Variants in ADAMTS19 observed in about 807,000 individuals in gnomAD.
The protein encoded by ADAMTS19 is ADAM metallopeptidase with thrombospondin type 1 motif 19.
ADAMTS19 carries 93 observed loss-of-function variants against 153.3 expected under a neutral mutation model. That is an observed-to-expected ratio of 0.61 (90% CI 0.51 to 0.72). ADAMTS19 has a LOEUF of 0.72. ADAMTS19 is among the 30% of genes least tolerant of loss of function. The pLI is 0.00. For missense variants in ADAMTS19, 1,482 were observed against 1,552.1 expected, an observed-to-expected ratio of 0.95 and a Z score of 0.76; for synonymous variants, 600 against 556.6, an observed-to-expected ratio of 1.08 and a Z score of -1.10.
At chr5:129,699,867 A>G (rs1255863126) in intron 19 of ADAMTS19, among the ~76,000 whole-genome samples, 1 of 152,238 alleles carries the variant, frequency 6.6e-6, no homozygotes, top group Non-Finnish European at 1.5e-5. Flanking sequence ...ATGCTACTAT[A>G]TATAATATAT....
intron 7 of ADAMTS19, among the ~76,000 whole-genome samples, chr5:129,583,530 G>A (rs186321577): frequency 2.6e-4 from 40 of 152,064 alleles, no homozygotes; most frequent in African/African-American, 8.7e-4. Context: ...CATTCTCCCC[G>A]TCACTTTCAG....
intron 10 of ADAMTS19, among the ~76,000 whole-genome samples, chr5:129,624,279 A>G (rs925492576): frequency 6.6e-6 from 1 of 152,054 alleles, no homozygotes; most frequent in African/African-American, 2.4e-5. Context: ...GACAATTATG[A>G]CATTGGTTCT....
intron 3 of ADAMTS19, among the ~76,000 whole-genome samples, chr5:129,519,891 A>G (rs1751737945): frequency 6.6e-6 from 1 of 152,008 alleles, no homozygotes; most frequent in African/African-American, 2.4e-5. Flanking sequence ...ATTCTTCACA[A>G]CTTCAGAGTA....
intron 14 of ADAMTS19, among the ~76,000 whole-genome samples, chr5:129,656,320 A>G (rs1753545485): frequency 6.6e-6 from 1 of 152,234 alleles, no homozygotes; most frequent in African/African-American, 2.4e-5. Context: ...TCTTTCAGTA[A>G]AATTGAAAAC....
intron 16 of ADAMTS19, 63 bp from the exon 17 acceptor site, chr5:129,679,701 A>G (rs1043609007): frequency 7.5e-6 from 10 of 1,329,610 alleles, no homozygotes; most frequent in Non-Finnish European, 1.0e-5. Context: ...AATAATTTGT[A>G]GTAGATGTTG....
At chr5:129,592,801 T>A (rs746343997) in intron 7 of ADAMTS19, among the ~76,000 whole-genome samples, 1 of 152,200 alleles carries the variant, frequency 6.6e-6, no homozygotes, top group Non-Finnish European at 1.5e-5. Flanking sequence ...TTCATAGACA[T>A]GATTATCATG....
chr5:129,518,603 G>T (rs1159436406), intron 3 of ADAMTS19, among the ~76,000 whole-genome samples: 1 of 151,922 alleles, frequency 6.6e-6, no homozygotes, highest in Non-Finnish European at 1.5e-5. Flanking sequence ...TCTCTTGCTG[G>T]TTTTAGGATT....
intron 7 of ADAMTS19, among the ~76,000 whole-genome samples, chr5:129,591,760 C>G (rs956876127): frequency 6.6e-6 from 1 of 152,100 alleles, no homozygotes; most frequent in Admixed American, 6.5e-5. Context: ...GGAGTTTGTA[C>G]CAAGAGTGCC....
Position 129,460,299 on chromosome 5 carries a change from G to T in ADAMTS19, c.-93G>T. 1.4e-6 allele frequency: 1 copy of T among 704,562 alleles called. No individual in the cohort carries two copies. Among genetic ancestry groups the T allele is most frequent in the South Asian group, 1.6e-5 (1 of 63,210 alleles). The allele number at this position is 704,562 out of a possible 1,614,324, so 43.6% of individuals were successfully genotyped here. ...AGGGCCTGGGCAAATTCGCCGCCCG[G>T]CCTCCTAGCGCTCCGGGGAGGCCGC... On this transcript the variant is annotated 5_prime_UTR_variant, in exon 1 of 23. Transcript: ENST00000274487.
chr5:129,657,499 G>A (rs1753596220), intron 14 of ADAMTS19, among the ~76,000 whole-genome samples: 1 of 152,134 alleles, frequency 6.6e-6, no homozygotes, highest in Non-Finnish European at 1.5e-5. Context: ...TGCCCTTTGA[G>A]TATGTACAGC....
intron 7 of ADAMTS19, among the ~76,000 whole-genome samples, chr5:129,567,456 G>A (rs1308060504): frequency 6.6e-6 from 1 of 151,932 alleles, no homozygotes; most frequent in East Asian, 1.9e-4. Flanking sequence ...AACAAGTAAG[G>A]GCAAGCATAT....
chr5:129,487,830 T>C (rs1370122287), intron 2 of ADAMTS19, among the ~76,000 whole-genome samples: 1 of 152,136 alleles, frequency 6.6e-6, no homozygotes, highest in African/African-American at 2.4e-5. Flanking sequence ...GCAAAACATA[T>C]GTCTTCAATT....
At chr5:129,495,407 A>G (rs1410664070) in intron 2 of ADAMTS19, among the ~76,000 whole-genome samples, 3 of 152,108 alleles carry the variant, frequency 2.0e-5, no homozygotes, top group Non-Finnish European at 2.9e-5. Flanking sequence ...GAAGGACAAT[A>G]AGCCCATCTC....
rs570956872 is a variant in ADAMTS19 at position 129,531,691 on chromosome 5, T to TTA, written c.1328+3026_1328+3027dup. Reference sequence around the variant, plus strand: ...CATTCTGTCACAGGAATGAAAATGTTTATATATATATATGTATGTATATGA... The same window carrying TTA: ...CATTCTGTCACAGGAATGAAAATGTTTATATATATATATATGTATGTATATGA... On this transcript the variant is annotated intron_variant, in intron 6 of 22. Transcript: ENST00000274487. Among the ~76,000 whole-genome samples the TTA allele has an allele frequency of 7.5e-3, 1,138 of 151,752 alleles. 7 individuals carry two copies. Among genetic ancestry groups the TTA allele is most frequent in the African/African-American group, 9.3e-3 (385 of 41,346 alleles).
intron 3 of ADAMTS19, among the ~76,000 whole-genome samples, chr5:129,517,053 C>A (rs1317695184): frequency 6.6e-6 from 1 of 151,760 alleles, no homozygotes; most frequent in African/African-American, 2.4e-5. Flanking sequence ...CTTTCAGGAG[C>A]ATATTGTTTA....
rs564461285 is a variant in ADAMTS19, at chr5:129,701,849, T to A, written c.3159+257T>A. Among the ~76,000 whole-genome samples the A allele has an allele frequency of 2.0e-5, 3 of 152,294 alleles. No individual in the cohort carries two copies. In the East Asian group the frequency reaches 5.8e-4, roughly 29 times the overall value. On this transcript the variant is annotated intron_variant, in intron 20 of 22. Transcript: ENST00000274487. ...ACATTTTAAATTCTGCATTTTTACT[T>A]ATATACTATGACTATACTCTTGAGT...
At chr5:129,728,321 C>T (rs1326775129) in intron 21 of ADAMTS19, among the ~76,000 whole-genome samples, 2 of 152,058 alleles carry the variant, frequency 1.3e-5, no homozygotes, top group African/African-American at 2.4e-5. Context: ...TAGCCCATGC[C>T]CTGCTCTGCC....
Position 129,461,807 on chromosome 5 carries a change from C to T in ADAMTS19, c.747+50C>T, listed in dbSNP as rs747617862. The T allele has an allele frequency of 6.8e-7, 1 of 1,470,836 alleles. No homozygotes were observed. The highest frequency in any genetic ancestry group is 2.5e-5 in the Admixed American group (1 of 39,724). The allele number at this position is 1,470,836 out of a possible 1,614,324, so 91.1% of individuals were successfully genotyped here. A position where few individuals can be genotyped will look rare whatever the true frequency, so the allele number is the denominator to read the frequency against. ...TCCATTTTCCCCTGCTGCTCCTCTC[C>T]TTGCCCATAGGTCAGGATGATTTGC... On this transcript the variant is annotated intron_variant, in intron 2 of 22. Transcript: ENST00000274487. The surrounding 1 kb of genome is among the most constrained non-coding windows in gnomAD (Gnocchi z 4.6).
intron 21 of ADAMTS19, among the ~76,000 whole-genome samples, chr5:129,725,718 T>A (rs1223256603): frequency 6.6e-6 from 1 of 152,058 alleles, no homozygotes; most frequent in Non-Finnish European, 1.5e-5. Flanking sequence ...GAGTCCCACT[T>A]CTGCCCTGGT....
Sources: allele counts gnomAD v4.1 joint callset (sites outside exome capture counted in the v4.1 genomes callset), GRCh38; gene constraint gnomAD v4.1.1; non-coding constraint Gnocchi (gnomAD v3.1); transcripts MANE v1.5; gene names NCBI Gene and HGNC (gene_info 2026-07-23, HGNC 2026-07-21).